CMYA5: variants seen among roughly 807,000 people sequenced by gnomAD.
The protein encoded by CMYA5 is cardiomyopathy associated 5, also known as cardiomyopathy-associated protein 5.
CMYA5 carries 246 observed loss-of-function variants against 318.9 expected under a neutral mutation model. The ratio of observed to expected loss-of-function variants is 0.77; its 90% confidence interval spans 0.70 to 0.86. The LOEUF is 0.86. CMYA5 is among the 40% of genes least tolerant of loss of function. CMYA5 has a pLI of 0.00. For synonymous variants in CMYA5, 1,641 were observed against 1,729.5 expected (o/e 0.95, Z 1.27); for missense variants, 4,589 against 4,678.2 (o/e 0.98, Z 0.56).
intron 9 of CMYA5, among the ~76,000 whole-genome samples, chr5:79,771,400 G>A (rs544954722): frequency 1.3e-4 from 20 of 152,270 alleles, no homozygotes; most frequent in African/African-American, 2.9e-4. Flanking sequence ...TCTACCATCT[G>A]TAAGGAAAAC....
In CMYA5 at chr5:79,793,624, TC is replaced by T; in HGVS notation, c.11963+18del. The T allele has an allele frequency of 6.3e-7, 1 of 1,580,380 alleles. No individual in the cohort carries two copies. Among genetic ancestry groups the T allele is most frequent in the South Asian group, 1.1e-5 (1 of 88,640 alleles). On this transcript the variant is annotated intron_variant, in intron 12 of 12. Transcript: ENST00000446378. ...TGAGCCACAGAGGTAAGCGAGCCCT[TC>T]CCCTCCCCTCTTCATCAAAATATTA...
Position 79,735,429 on chromosome 5 carries a change from A to G in CMYA5, c.6664A>G (p.Thr2222Ala), listed in dbSNP as rs778463437. The change falls in exon 2 of 13, where the codon ACA becomes GCA. Residue 2222 changes from threonine (T) to alanine (A), a missense_variant. Thr to Ala is a moderately conservative substitution (Grantham distance 58). Transcript: ENST00000446378. Reference sequence around the variant, plus strand: ...AGTGACTGTGATAGATCCTGAAGGTACAATTCCCACCAATTTTAATGTAGC... The same window carrying G: ...AGTGACTGTGATAGATCCTGAAGGTGCAATTCCCACCAATTTTAATGTAGC... Reference protein sequence around the residue: ...KAVTVIDPEGTIPTNFNVAEK... With the variant: ...KAVTVIDPEGAIPTNFNVAEK... 2.5e-5 allele frequency: 41 copies of G among 1,613,918 alleles called. No homozygotes were observed. In the African/African-American group the frequency reaches 4.9e-4, roughly 19 times the overall value.
At position 79,735,458 on chromosome 5, in the gene CMYA5, G is replaced by A; in HGVS notation, c.6693G>A (p.Glu2231=). The stretch of plus-strand genomic sequence containing the variant: ...TTCCCACCAATTTTAATGTAGCTGA[G>A]AAACCAGCTGATCATTCATTATCAG... ...GTIPTNFNVA[E]KPADHSLSEV... is the part of the protein sequence containing the mutation. The change falls in exon 2 of 13, where the codon GAG becomes GAA. Residue 2231 remains glutamate (E), a synonymous_variant. Transcript: ENST00000446378. 6.2e-7 allele frequency: 1 copy of A among 1,613,756 alleles called. No homozygotes were observed. The highest frequency in any genetic ancestry group is 1.7e-4 in the Middle Eastern group (1 of 6,060).
Position 79,735,135 on chromosome 5 carries a change from C to T in CMYA5, c.6370C>T (p.Pro2124Ser), listed in dbSNP as rs568528032. 1.2e-6 allele frequency: 2 copies of T among 1,613,650 alleles called. No homozygotes were observed. The highest frequency in any genetic ancestry group is 2.2e-5 in the East Asian group (1 of 44,882). ...DDADEGKKPSPEVKIPTQRKP... is the reference protein window; with the variant it reads ...DDADEGKKPSSEVKIPTQRKP... Reference sequence around the variant, plus strand: ...TGCTGATGAGGGAAAGAAACCATCACCTGAAGTAAAAATACCCACACAAAG... The same window carrying T: ...TGCTGATGAGGGAAAGAAACCATCATCTGAAGTAAAAATACCCACACAAAG... The change falls in exon 2 of 13, where the codon CCT becomes TCT. Residue 2124 changes from proline (P) to serine (S), a missense_variant. Coordinates refer to ENST00000446378, the MANE Select transcript of CMYA5 (RefSeq NM_153610.5).
At chr5:79,792,912 CA>C (rs1829204331) in intron 11 of CMYA5, among the ~76,000 whole-genome samples, 1 of 152,232 alleles carries the variant, frequency 6.6e-6, no homozygotes, top group Non-Finnish European at 1.5e-5. Flanking sequence ...GTTAATTCCA[CA>C]CTTGGCACTG....
At chr5:79,708,694 C>A (rs1827322130) in intron 1 of CMYA5, among the ~76,000 whole-genome samples, 1 of 151,948 alleles carries the variant, frequency 6.6e-6, no homozygotes, top group African/African-American at 2.4e-5. Context: ...AATCCCAGCC[C>A]TTTGGGCGGT....
chr5:79,791,575 G>T (rs993171619), intron 11 of CMYA5, among the ~76,000 whole-genome samples: 2 of 152,056 alleles, frequency 1.3e-5, no homozygotes, highest in East Asian at 1.9e-4. Flanking sequence ...ACAAAAATTA[G>T]CCAGGTGTGG....
At chr5:79,708,031 C>A (rs1827307831) in intron 1 of CMYA5, among the ~76,000 whole-genome samples, 1 of 152,172 alleles carries the variant, frequency 6.6e-6, no homozygotes, top group African/African-American at 2.4e-5. Context: ...AAGCCTCCAT[C>A]CTCATGACTT....
Position 79,729,597 on chromosome 5 carries a change from T to A in CMYA5, c.832T>A (p.Ser278Thr). The change falls in exon 2 of 13, where the codon TCT becomes ACT. Residue 278 changes from serine (S) to threonine (T), a missense_variant. Around this residue, in one of 3 missense-constraint regions of CMYA5, gnomAD observed 2,132 missense variants for 2,131.3 expected, o/e 1.00. Transcript: ENST00000446378. ...SLEPDLDNSG[S>T]NTVSKTRKLV... ...AGAGCCAGATTTGGACAATAGTGGT[T>A]CTAATACAGTGTCCAAAACACGCAA... is the stretch of plus-strand genomic sequence containing the variant. 6.2e-7 allele frequency: 1 copy of A among 1,613,438 alleles called. No individual in the cohort carries two copies.
Position 79,726,661 on chromosome 5 carries a change from G to A in CMYA5, c.150-2254G>A, listed in dbSNP as rs567522617. 2.6e-5 allele frequency among the ~76,000 whole-genome samples: 4 copies of A among 152,254 alleles called. No individual in the cohort carries two copies. The South Asian group carries it at 6.2e-4, about 24-fold the overall frequency. On this transcript the variant is annotated intron_variant, in intron 1 of 12. Transcript: ENST00000446378. Reference sequence around the variant, plus strand: ...TTGCTATTGCAGGCTAGTGGCCCAAGGGGCCTGGCTGCCCCAGGCTCCCCA... The same window carrying A: ...TTGCTATTGCAGGCTAGTGGCCCAAAGGGCCTGGCTGCCCCAGGCTCCCCA...
At position 79,734,629 on chromosome 5, in the gene CMYA5, A is replaced by G. The variant is rs1447586390; in HGVS notation, c.5864A>G (p.His1955Arg). ...QVLPHSAEES[H>R]LSSQEAVSAL... The stretch of plus-strand genomic sequence containing the variant: ...CTGCCGCATTCTGCTGAAGAATCTC[A>G]TTTGTCATCACAAGAAGCAGTATCT... The change falls in exon 2 of 13, where the codon CAT becomes CGT. Residue 1955 changes from histidine (H) to arginine (R), a missense_variant. Physicochemically the swap from His to Arg is conservative, Grantham distance 29 (BLOSUM62 0). This residue lies in a region of CMYA5 where 2,431 missense variants were observed against 2,495.1 expected (regional missense o/e 0.97). Coordinates refer to ENST00000446378, the MANE Select transcript of CMYA5 (RefSeq NM_153610.5). The G allele has an allele frequency of 1.9e-6, 3 of 1,613,858 alleles. No individual in the cohort carries two copies. The highest frequency in any genetic ancestry group is 2.5e-6 in the Non-Finnish European group (3 of 1,179,802).
Position 79,732,323 on chromosome 5 carries a change from C to T in CMYA5, c.3558C>T (p.Pro1186=), listed in dbSNP as rs767606509. The change falls in exon 2 of 13, where the codon CCC becomes CCT. Residue 1186 remains proline (P), a synonymous_variant. Transcript: ENST00000446378. Reference sequence around the variant, plus strand: ...CTGCAATCAAGAAAGAACAGGAACCCACAGCAGCACTCACTCTAAAAGCTG... The same window carrying T: ...CTGCAATCAAGAAAGAACAGGAACCTACAGCAGCACTCACTCTAAAAGCTG... ...SVPAIKKEQE[P]TAALTLKAAD... is the part of the protein sequence containing the mutation. 3.1e-6 allele frequency: 5 copies of T among 1,613,770 alleles called. No homozygotes were observed. Among genetic ancestry groups the T allele is most frequent in the Admixed American group, 1.7e-5 (1 of 59,952 alleles).
intron 10 of CMYA5, among the ~76,000 whole-genome samples, chr5:79,790,333 G>A (rs965943716): frequency 1.3e-5 from 2 of 151,792 alleles, no homozygotes; most frequent in African/African-American, 4.8e-5. Context: ...GCAATGGCAC[G>A]ATCTCGGCTC....
At position 79,735,069 on chromosome 5, in the gene CMYA5, T is replaced by A. The variant is rs1580772508; in HGVS notation, c.6304T>A (p.Leu2102Met). Residue 2102 changes from leucine to methionine, a missense_variant, in exon 2 of 13, where the codon TTG becomes ATG. Physicochemically the swap from Leu to Met is conservative, Grantham distance 15 (BLOSUM62 2). Transcript: ENST00000446378. The stretch of plus-strand genomic sequence containing the variant: ...ACCTCCTTTTCCTGAAGAGAAGCCA[T>A]TGGAAGAATCAAAAATGGTTCAGTC... ...STPPFPEEKPLEESKMVQSKV... is the reference protein window; with the variant it reads ...STPPFPEEKPMEESKMVQSKV... 1 of 1,613,788 alleles carries A rather than the reference T, an allele frequency of 6.2e-7. No individual in the cohort carries two copies. Among genetic ancestry groups the A allele is most frequent in the East Asian group, 2.2e-5 (1 of 44,876 alleles).
intron 1 of CMYA5, among the ~76,000 whole-genome samples, chr5:79,713,267 C>T (rs1408435459): frequency 6.6e-6 from 1 of 151,852 alleles, no homozygotes; most frequent in African/African-American, 2.4e-5. Flanking sequence ...ATTCTCAGCA[C>T]ACAGGACAGT....
In CMYA5 at chr5:79,733,621, C is replaced by G. The variant is rs774766659; in HGVS notation, c.4856C>G (p.Ser1619Cys). The G allele has an allele frequency of 2.5e-6, 4 of 1,613,382 alleles. No individual in the cohort carries two copies. The highest frequency in any genetic ancestry group is 1.7e-5 in the Admixed American group (1 of 59,908). Residue 1619 changes from serine (S) to cysteine (C), a missense_variant, in exon 2 of 13, where the codon TCT becomes TGT. By Grantham distance (112) the Ser-to-Cys change is moderately radical (BLOSUM62 -1). Transcript: ENST00000446378. ...CAAGATGTTGCTTTGGCAGAGCTGT[C>G]TTTGGAACCTGAGAAGAAAGACAAG... ...EKQDVALAELSLEPEKKDKPH... is the reference protein window; with the variant it reads ...EKQDVALAELCLEPEKKDKPH...
In CMYA5 at chr5:79,789,037, C is replaced by T. The variant is rs778326636; in HGVS notation, c.11622C>T (p.Phe3874=). The stretch of plus-strand genomic sequence containing the variant: ...TCCAACCCAATGATAACTACTTTTT[C>T]TATGTGAGGGCCATCAATGCATTTG... The part of the protein sequence containing the change: ...VNLQPNDNYF[F]YVRAINAFGT... The change falls in exon 10 of 13, where the codon TTC becomes TTT. Residue 3874 remains phenylalanine, a synonymous_variant. Transcript: ENST00000446378. 2.5e-6 allele frequency: 4 copies of T among 1,613,816 alleles called. No homozygotes were observed. The Admixed American group carries it at 5.0e-5, about 20-fold the overall frequency.
chr5:79,740,105 A>G (rs1828181777), intron 2 of CMYA5, among the ~76,000 whole-genome samples: 1 of 152,260 alleles, frequency 6.6e-6, no homozygotes, highest in African/African-American at 2.4e-5. Context: ...AGTAATCTAG[A>G]GATTATTTAA....
intron 1 of CMYA5, among the ~76,000 whole-genome samples, chr5:79,697,839 G>A (rs1465499710): frequency 6.6e-6 from 1 of 152,010 alleles, no homozygotes; most frequent in East Asian, 1.9e-4. Context: ...CTTTTTTAAA[G>A]GCAGAAGCAT....
Sources: gnomAD v4.1 joint callset for allele counts (sites outside exome capture counted in the v4.1 genomes callset) on GRCh38, gnomAD v4.1.1 for gene constraint, gnomAD v4.1.1 regional missense constraint, MANE v1.5 for transcripts, NCBI Gene and HGNC (gene_info 2026-07-23, HGNC 2026-07-21) for gene names.